The following SCN2A variants were observed in gnomAD, a reference collection of about 807,000 sequenced individuals.
The protein encoded by SCN2A is sodium channel protein type 2 subunit alpha.
Under a neutral mutation model 188.7 loss-of-function variants are expected in SCN2A, and 20 were observed. That is an observed-to-expected ratio of 0.11 (90% CI 0.07 to 0.15). The LOEUF (loss-of-function observed/expected upper bound fraction) is 0.15, where lower values mean the gene tolerates loss of function less well. SCN2A is among the 10% of genes least tolerant of loss of function. The probability of loss-of-function intolerance (pLI) is 1.00; values close to 1 mark genes in which losing one functional copy is unlikely to be tolerated. For missense variants in SCN2A, 1,278 were observed against 2,445.0 expected, an observed-to-expected ratio of 0.52 and a Z score of 10.07; for synonymous variants, 804 against 833.1, an observed-to-expected ratio of 0.97 and a Z score of 0.60.
At chr2:165,307,028 A>G (rs1164450280) in intron 3 of SCN2A, among the ~76,000 whole-genome samples, 1 of 152,062 alleles carries the variant, frequency 6.6e-6, no homozygotes, top group African/African-American at 2.4e-5. Context: ...GCTGTTTTTT[A>G]ATGTCAAGGA....
intron 1 of SCN2A, chr2:165,272,137 CACAG>C (rs1695130227): frequency 1.3e-5 from 2 of 151,762 alleles, no homozygotes; most frequent in South Asian, 4.1e-4. Flanking sequence ...TTAAATATAA[CACAG>C]ACAGGTTGAA....
At chr2:165,382,277 T>A (rs889895123) in intron 25 of SCN2A, among the ~76,000 whole-genome samples, 1 of 152,058 alleles carries the variant, frequency 6.6e-6, no homozygotes, top group African/African-American at 2.4e-5. Flanking sequence ...TTGTTCTAAT[T>A]AAGCAATACA....
chr2:165,354,337 G>A lies in SCN2A; in HGVS notation c.3065G>A (p.Arg1022His), dbSNP rs376774884. The change falls in exon 17 of 27, where the codon CGT becomes CAT. Residue 1022 changes from arginine (R) to histidine (H), a missense_variant. By Grantham distance (29) the Arg-to-His change is conservative. Around this residue, in one of 17 missense-constraint regions of SCN2A, gnomAD observed 228 missense variants for 297.3 expected, o/e 0.77. Transcript: ENST00000375437. ...ATCGATTTTGTTAAAAGAAAAATAC[G>A]TGAATTTATTCAGAAAGCCTTTGTT... ...KGIDFVKRKI[R>H]EFIQKAFVRK... is the part of the protein sequence containing the mutation. The A allele has an allele frequency of 9.3e-6, 15 of 1,613,928 alleles. No individual in the cohort carries two copies. The highest frequency in any genetic ancestry group is 1.6e-4 in the Middle Eastern group (1 of 6,082).
rs1378211134 is a variant in SCN2A at position 165,390,092 on chromosome 2, C to G, written c.*268C>G. 1 of 399,170 alleles carries G rather than the reference C, an allele frequency of 2.5e-6. No homozygotes were observed. The highest frequency in any genetic ancestry group is 2.0e-5 in the African/African-American group (1 of 49,228). 24.7% of individuals were successfully genotyped at this position (399,170 alleles called of 1,614,324 possible). On this transcript the variant is annotated 3_prime_UTR_variant, in exon 27 of 27. Transcript: ENST00000375437. Reference sequence around the variant, plus strand: ...AGCAGAGGCGTAATGGCTACTCAGACGATAGGAACCAATTTAAAGGGGGGA... The same window carrying G: ...AGCAGAGGCGTAATGGCTACTCAGAGGATAGGAACCAATTTAAAGGGGGGA...
intron 16 of SCN2A, 137 bp downstream of exon 16, chr2:165,345,048 C>A: frequency 1.8e-6 from 2 of 1,096,266 alleles, no homozygotes. Context: ...CTGTAAGAGC[C>A]ATGTATAGTT....
chr2:165,290,255 C>A (rs1257853802), intron 1 of SCN2A, among the ~76,000 whole-genome samples: 3 of 152,040 alleles, frequency 2.0e-5, no homozygotes, highest in African/African-American at 7.2e-5. Context: ...ATTTGAAGTT[C>A]TATAATATTG....
intron 16 of SCN2A, among the ~76,000 whole-genome samples, chr2:165,347,952 CTG>C (rs1326530881): frequency 6.6e-6 from 1 of 152,104 alleles, no homozygotes; most frequent in Non-Finnish European, 1.5e-5. Flanking sequence ...ACAGTAGACT[CTG>C]TGAGAAGTAT....
In SCN2A at chr2:165,310,405, C is replaced by T. The variant is rs373858906; in HGVS notation, c.780C>T (p.Ser260=). The change falls in exon 7 of 27, where the codon AGC becomes AGT. Residue 260 remains serine (S), a synonymous_variant. Coordinates refer to ENST00000375437, the MANE Select transcript of SCN2A (RefSeq NM_001040142.2). ...TGATCTTGACTGTGTTCTGTCTAAGCGTGTTTGCGCTAATAGGATTGCAGT... is the reference window on the plus strand; with the variant it reads ...TGATCTTGACTGTGTTCTGTCTAAGTGTGTTTGCGCTAATAGGATTGCAGT... The part of the protein sequence containing the change: ...DVMILTVFCL[S]VFALIGLQLF... 3.7e-6 allele frequency: 6 copies of T among 1,613,500 alleles called. No individual in the cohort carries two copies. Among genetic ancestry groups the T allele is most frequent in the Non-Finnish European group, 5.1e-6 (6 of 1,179,654 alleles).
intron 18 of SCN2A, 51 bp downstream of exon 18, chr2:165,365,314 T>C (rs754732088): frequency 6.3e-7 from 1 of 1,599,820 alleles, no homozygotes; most frequent in South Asian, 1.1e-5. Context: ...TTTCTACCCA[T>C]TTTTTCCTAT....
At chr2:165,332,699 A>G (rs1188696984) in intron 14 of SCN2A, among the ~76,000 whole-genome samples, 1 of 152,046 alleles carries the variant, frequency 6.6e-6, no homozygotes, top group African/African-American at 2.4e-5. Context: ...TATTTCTAAA[A>G]AAAAGCAGGG....
At chr2:165,264,116 A>C (rs186131844) in intron 1 of SCN2A, among the ~76,000 whole-genome samples, 3 of 152,214 alleles carry the variant, frequency 2.0e-5, no homozygotes, top group African/African-American at 4.8e-5. Flanking sequence ...CCTCTTTACC[A>C]ATTTAGATGT....
intron 1 of SCN2A, 38 bp from the exon 2 acceptor site, chr2:165,295,735 T>C (rs1696471104): frequency 6.3e-7 from 1 of 1,587,802 alleles, no homozygotes; most frequent in Middle Eastern, 1.7e-4. Context: ...CCTTTTATTC[T>C]AATGGTCATT....
chr2:165,333,903 A>C (rs1448246871), intron 14 of SCN2A, among the ~76,000 whole-genome samples: 1 of 151,300 alleles, frequency 6.6e-6, no homozygotes, highest in East Asian at 1.9e-4. Flanking sequence ...GAGGAAAGAC[A>C]CTAATTATTA....
intron 11 of SCN2A, among the ~76,000 whole-genome samples, chr2:165,321,335 C>T (rs1226661989): frequency 1.3e-5 from 2 of 152,198 alleles, no homozygotes; most frequent in Non-Finnish European, 2.9e-5. Context: ...CAAACTTTCT[C>T]ACATTTTCCT....
chr2:165,255,865 C>G (rs1191244295), intron 1 of SCN2A, among the ~76,000 whole-genome samples: 2 of 151,862 alleles, frequency 1.3e-5, no homozygotes, highest in Non-Finnish European at 2.9e-5. Flanking sequence ...AGATAAGATA[C>G]AGCCAGATTT....
chr2:165,294,752 C>G (rs1025179758), intron 1 of SCN2A, among the ~76,000 whole-genome samples: 4 of 152,148 alleles, frequency 2.6e-5, no homozygotes, highest in Non-Finnish European at 4.4e-5. Context: ...TTTGGAATGA[C>G]TGATGTGCTC....
chr2:165,380,999 G>T, intron 24 of SCN2A, 94 bp from the exon 25 acceptor site: 2 of 853,842 alleles, frequency 2.3e-6, no homozygotes, highest in Admixed American at 4.4e-5. Context: ...ACAATAGAAT[G>T]AAATGTGGGA....
chr2:165,282,810 C>A (rs1695638756), intron 1 of SCN2A, among the ~76,000 whole-genome samples: 1 of 152,108 alleles, frequency 6.6e-6, no homozygotes, highest in Non-Finnish European at 1.5e-5. Context: ...CAACTTGAAC[C>A]AGTGTGCTAA....
chr2:165,256,962 T>A (rs1694355822), intron 1 of SCN2A, among the ~76,000 whole-genome samples: 2 of 152,220 alleles, frequency 1.3e-5, no homozygotes, highest in African/African-American at 4.8e-5. Context: ...CTAGTTCAAC[T>A]TGTAACAAAG....
Sources: allele counts gnomAD v4.1 joint callset (sites outside exome capture counted in the v4.1 genomes callset), GRCh38; gene constraint gnomAD v4.1.1; regional missense constraint gnomAD v4.1.1; transcripts MANE v1.5; gene names NCBI Gene and HGNC (gene_info 2026-07-23, HGNC 2026-07-21).